The following CACNA1C variants were observed in gnomAD, a reference collection of about 807,000 sequenced individuals.
CACNA1C encodes the protein voltage-dependent L-type calcium channel subunit alpha-1C.
CACNA1C carries 30 observed loss-of-function variants against 229.0 expected under a neutral mutation model. That is an observed-to-expected ratio of 0.13 (90% CI 0.10 to 0.18). The LOEUF is 0.18. CACNA1C is among the 10% of genes least tolerant of loss of function. CACNA1C has a pLI of 1.00. For missense variants in CACNA1C, 1,658 were observed against 2,845.0 expected, an observed-to-expected ratio of 0.58 and a Z score of 9.49; for synonymous variants, 1,114 against 1,132.5, an observed-to-expected ratio of 0.98 and a Z score of 0.33.
At chr12:2,557,577 C>A (rs1279374152) in intron 11 of CACNA1C, among the ~76,000 whole-genome samples, 1 of 152,220 alleles carries the variant, frequency 6.6e-6, no homozygotes, top group African/African-American at 2.4e-5. Context: ...TGGAGCCAAT[C>A]CTTCACTTAA....
At chr12:2,631,027 G>A (rs766603259) in intron 29 of CACNA1C, among the ~76,000 whole-genome samples, 14 of 152,178 alleles carry the variant, frequency 9.2e-5, no homozygotes, top group Admixed American at 1.3e-4. Context: ...ACAGCCAGGC[G>A]GTTAACAGGG....
chr12:2,522,061 C>T (rs758748052), intron 9 of CACNA1C, among the ~76,000 whole-genome samples: 1 of 152,214 alleles, frequency 6.6e-6, no homozygotes, highest in Non-Finnish European at 1.5e-5. Context: ...CTTTACCCAT[C>T]TCCCATCCCT....
chr12:2,590,795 C>T (rs1269449910), intron 18 of CACNA1C, among the ~76,000 whole-genome samples: 1 of 152,160 alleles, frequency 6.6e-6, no homozygotes, highest in African/African-American at 2.4e-5. Flanking sequence ...TTAAAATAAG[C>T]ATAAAATTAC....
chr12:2,558,545 A>T (rs769030879), intron 11 of CACNA1C, among the ~76,000 whole-genome samples: 12 of 152,214 alleles, frequency 7.9e-5, no homozygotes, highest in Non-Finnish European at 1.6e-4. Flanking sequence ...CAGCCCTATG[A>T]CAGGCTCATT....
chr12:2,145,179 G>A (rs1168468857), intron 3 of CACNA1C, among the ~76,000 whole-genome samples: 3 of 151,274 alleles, frequency 2.0e-5, no homozygotes, highest in African/African-American at 2.4e-5. Context: ...GCTGAAGTAC[G>A]TATTTCCCCC....
At chr12:2,450,282 C>A (rs542498224) in intron 4 of CACNA1C, among the ~76,000 whole-genome samples, 1 of 152,102 alleles carries the variant, frequency 6.6e-6, no homozygotes, top group Non-Finnish European at 1.5e-5. Flanking sequence ...AGGTCAGGCG[C>A]GGTGGCTCAC....
chr12:2,605,661 C>T lies in CACNA1C; in HGVS notation c.3049-18C>T, dbSNP rs764862438. The T allele has an allele frequency of 2.9e-5, 47 of 1,594,152 alleles. 1 individual carries two copies. The South Asian group carries it at 3.5e-4, about 12-fold the overall frequency. On this transcript the variant is annotated intron_variant, in intron 23 of 46. Coordinates refer to ENST00000399655, the MANE Select transcript of CACNA1C (RefSeq NM_000719.7). The surrounding 1 kb of genome is among the most constrained non-coding windows in gnomAD (Gnocchi z 6.2). Reference sequence around the variant, plus strand: ...TCTCCTGAAGCCACGTCCCTCTCCCCGTCCCTTCCCACTGCAGCATGTGGT... The same window carrying T: ...TCTCCTGAAGCCACGTCCCTCTCCCTGTCCCTTCCCACTGCAGCATGTGGT...
chr12:1,995,531 C>G (rs539488374), intron 1 of CACNA1C, among the ~76,000 whole-genome samples: 1 of 152,350 alleles, frequency 6.6e-6, no homozygotes, highest in South Asian at 2.1e-4. Context: ...CTGTGAAGAA[C>G]CTGACCTCCT....
intron 3 of CACNA1C, among the ~76,000 whole-genome samples, chr12:2,388,935 A>G (rs2098440797): frequency 6.6e-6 from 1 of 152,166 alleles, no homozygotes; most frequent in African/African-American, 2.4e-5. Context: ...TTGAGGAGAG[A>G]TGTGGGAGAG....
intron 3 of CACNA1C, among the ~76,000 whole-genome samples, chr12:2,241,162 T>C (rs949218824): frequency 6.6e-6 from 1 of 151,926 alleles, no homozygotes; most frequent in Non-Finnish European, 1.5e-5. Context: ...GAAGCCTCCA[T>C]CCTCCCACGC....
At chr12:2,225,609 G>C (rs2062739408) in intron 3 of CACNA1C, among the ~76,000 whole-genome samples, 1 of 152,158 alleles carries the variant, frequency 6.6e-6, no homozygotes, top group African/African-American at 2.4e-5. Flanking sequence ...GTTCTGGAGA[G>C]TTTTACTTGG....
intron 9 of CACNA1C, chr12:2,547,328 A>G: frequency 1.5e-6 from 1 of 648,040 alleles, no homozygotes; most frequent in Non-Finnish European, 2.8e-6. Flanking sequence ...TTCTGTGATA[A>G]AAATGGATGT....
At chr12:2,174,091 G>GGC (rs2096574068) in intron 3 of CACNA1C, among the ~76,000 whole-genome samples, 1 of 152,020 alleles carries the variant, frequency 6.6e-6, no homozygotes, top group East Asian at 1.9e-4. Context: ...ACATCTAAGG[G>GGC]GCGAAGGAGC....
chr12:2,593,190 G>A (rs769458850), intron 18 of CACNA1C, 23 bp from the exon 19 acceptor site: 1 of 1,609,308 alleles, frequency 6.2e-7, no homozygotes, highest in South Asian at 1.1e-5. Flanking sequence ...GAGTTATTTA[G>A]AATGGTGCTG....
chr12:2,667,040 G>C (rs552463668), intron 37 of CACNA1C, among the ~76,000 whole-genome samples: 2 of 152,152 alleles, frequency 1.3e-5, no homozygotes, highest in Non-Finnish European at 2.9e-5. Flanking sequence ...GGCATCCTGG[G>C]GTGGGAGACT....
chr12:2,478,657 T>C (rs1396366873), intron 5 of CACNA1C, among the ~76,000 whole-genome samples: 2 of 152,238 alleles, frequency 1.3e-5, no homozygotes, highest in Non-Finnish European at 2.9e-5. Context: ...ACAGCAACTT[T>C]ATGGGATAGG....
chr12:2,144,079 C>G (rs906280471), intron 3 of CACNA1C, among the ~76,000 whole-genome samples: 2 of 151,330 alleles, frequency 1.3e-5, no homozygotes, highest in African/African-American at 4.8e-5. Flanking sequence ...GTGGTCAGCA[C>G]CACGTGGGCA....
At chr12:2,147,343 G>C (rs2094816789) in intron 3 of CACNA1C, among the ~76,000 whole-genome samples, 2 of 151,360 alleles carry the variant, frequency 1.3e-5, no homozygotes, top group Admixed American at 1.3e-4. Context: ...GCCAGGCCAG[G>C]CTTCCTTCCA....
rs949988648 is a variant in CACNA1C, at chr12:2,633,898, G to A, written c.3829-399G>A. 2.6e-5 allele frequency among the ~76,000 whole-genome samples: 4 copies of A among 152,152 alleles called. No individual in the cohort carries two copies. The highest frequency in any genetic ancestry group is 9.7e-5 in the African/African-American group (4 of 41,442). On this transcript the variant is annotated intron_variant, in intron 29 of 46. Transcript: ENST00000399655. The surrounding 1 kb of genome is among the most constrained non-coding windows in gnomAD (Gnocchi z 5.8). The stretch of plus-strand genomic sequence containing the variant: ...GTCCTGTGGGGGAAAAAAAGTGGGA[G>A]CTTCTCCTCCTTTTTTTCCATTTAC...
Sources: allele counts gnomAD v4.1 joint callset (sites outside exome capture counted in the v4.1 genomes callset), GRCh38; gene constraint gnomAD v4.1.1; non-coding constraint Gnocchi (gnomAD v3.1); transcripts MANE v1.5; gene names NCBI Gene and HGNC (gene_info 2026-07-23, HGNC 2026-07-21).